The following CTNNA3 variants were observed in gnomAD, a reference collection of about 807,000 sequenced individuals.
CTNNA3 encodes the protein catenin alpha-3.
In CTNNA3, 76 loss-of-function variants were observed where a neutral mutation model predicts 95.7. The observed-to-expected ratio is 0.79, with a 90% CI of 0.66 to 0.96. CTNNA3 has a LOEUF of 0.96. CTNNA3 is among the 40% of genes least tolerant of loss of function. The pLI is 0.00. For synonymous variants in CTNNA3, 431 were observed against 374.4 expected (o/e 1.15, Z -1.74); for missense variants, 1,191 against 1,089.8 (o/e 1.09, Z -1.31).
At chr10:67,368,079 T>A (rs1031678430) in intron 5 of CTNNA3, among the ~76,000 whole-genome samples, 3 of 151,612 alleles carry the variant, frequency 2.0e-5, no homozygotes, top group Admixed American at 2.0e-4. Context: ...CCAAAAAAAA[T>A]GAATGAAAAA....
At chr10:67,635,643 T>C (rs1357789311) in intron 2 of CTNNA3, among the ~76,000 whole-genome samples, 1 of 152,018 alleles carries the variant, frequency 6.6e-6, no homozygotes, top group African/African-American at 2.4e-5. Context: ...AAACTCTCAA[T>C]AAACTAGGTA....
At position 66,929,515 on chromosome 10, in the gene CTNNA3, G is replaced by C. The variant is rs3818445; in HGVS notation, c.1048-153991C>G. Among the ~76,000 whole-genome samples the C allele has an allele frequency of 9.3e-3, 1,413 of 152,266 alleles. 116 individuals are homozygous for C. The East Asian group carries it at 0.19, about 21-fold the overall frequency. ...CCCCTAATGACAGACACTTCATTCA[G>C]ATGTGTAAAGAGAACACATTCCAAG... On this transcript the variant is annotated intron_variant, in intron 7 of 17. Transcript: ENST00000433211.
At chr10:67,717,018 C>A (rs1841148022) in intron 1 of CTNNA3, among the ~76,000 whole-genome samples, 1 of 152,194 alleles carries the variant, frequency 6.6e-6, no homozygotes, top group South Asian at 2.1e-4. Flanking sequence ...GCCAGTCTAA[C>A]TGGTATGAGA....
At chr10:66,984,259 A>G (rs1024071093) in intron 7 of CTNNA3, among the ~76,000 whole-genome samples, 1 of 152,242 alleles carries the variant, frequency 6.6e-6, no homozygotes, top group Non-Finnish European at 1.5e-5. Flanking sequence ...GTCAGGATTG[A>G]GAACCAGAAA....
intron 5 of CTNNA3, among the ~76,000 whole-genome samples, chr10:67,391,513 C>G (rs866901554): frequency 2.0e-5 from 3 of 152,122 alleles, no homozygotes; most frequent in African/African-American, 7.2e-5. Flanking sequence ...CCATCCCCAT[C>G]AAGCTACCAA....
chr10:66,509,003 A>G lies in CTNNA3; in HGVS notation c.1531+11614T>C, dbSNP rs571023264. Among the ~76,000 whole-genome samples, 3 of 152,230 alleles carry G rather than the reference A, an allele frequency of 2.0e-5. No individual in the cohort carries two copies. In the East Asian group the frequency reaches 5.8e-4, roughly 29 times the overall value. Reference sequence around the variant, plus strand: ...GCTATACTAGTTTATATTCCCACCAACAGTATATAAGAGTTCCATTTCTTC... The same window carrying G: ...GCTATACTAGTTTATATTCCCACCAGCAGTATATAAGAGTTCCATTTCTTC... On this transcript the variant is annotated intron_variant, in intron 11 of 17. Coordinates refer to ENST00000433211, the MANE Select transcript of CTNNA3 (RefSeq NM_013266.4).
At chr10:67,602,442 C>T (rs750778972) in intron 3 of CTNNA3, among the ~76,000 whole-genome samples, 10 of 152,134 alleles carry the variant, frequency 6.6e-5, no homozygotes, top group African/African-American at 1.2e-4. Context: ...AAGTTGCTGG[C>T]GGTAGCTCAT....
chr10:66,826,486 G>A (rs1246025349), intron 7 of CTNNA3, among the ~76,000 whole-genome samples: 2 of 151,992 alleles, frequency 1.3e-5, no homozygotes, highest in African/African-American at 4.8e-5. Context: ...ATGTTGCCCA[G>A]CCTAGAATGT....
intron 12 of CTNNA3, among the ~76,000 whole-genome samples, chr10:66,355,489 C>T (rs2092601801): frequency 6.6e-6 from 1 of 152,018 alleles, no homozygotes; most frequent in Non-Finnish European, 1.5e-5. Flanking sequence ...ATGTCAGTAG[C>T]ACCTACAAAC....
intron 9 of CTNNA3, among the ~76,000 whole-genome samples, chr10:66,649,185 A>C (rs1024854121): frequency 3.9e-5 from 6 of 152,176 alleles, no homozygotes; most frequent in Non-Finnish European, 8.8e-5. Context: ...ATGCGACTGA[A>C]GTTTGATTAG....
chr10:66,174,399 C>A (rs1048446189), intron 13 of CTNNA3, among the ~76,000 whole-genome samples: 31 of 151,918 alleles, frequency 2.0e-4, no homozygotes, highest in African/African-American at 5.3e-4. Flanking sequence ...TAAATATATA[C>A]AATTATATAT....
intron 7 of CTNNA3, among the ~76,000 whole-genome samples, chr10:66,822,141 AATAT>A (rs1266828553): frequency 1.1e-4 from 16 of 149,662 alleles, no homozygotes; most frequent in African/African-American, 3.2e-4. Flanking sequence ...GTCAATATAT[AATAT>A]ATAAAGTATG....
chr10:67,583,713 G>C (rs1168573907), intron 3 of CTNNA3, among the ~76,000 whole-genome samples: 1 of 152,026 alleles, frequency 6.6e-6, no homozygotes, highest in Non-Finnish European at 1.5e-5. Context: ...ACGTAGATGT[G>C]GTCTTTTCAC....
intron 3 of CTNNA3, among the ~76,000 whole-genome samples, chr10:67,566,402 C>A (rs1279527607): frequency 6.6e-6 from 1 of 151,662 alleles, no homozygotes; most frequent in Non-Finnish European, 1.5e-5. Context: ...ATTTATGCAG[C>A]CAAAAACACA....
In CTNNA3 at chr10:67,137,571, A is replaced by C. The variant is rs1011587911; in HGVS notation, c.1047+42746T>G. Among the ~76,000 whole-genome samples, 28 of 152,168 alleles carry C rather than the reference A, an allele frequency of 1.8e-4. 1 individual carries two copies. Among genetic ancestry groups the C allele is most frequent in the African/African-American group, 6.8e-4 (28 of 41,450 alleles). On this transcript the variant is annotated intron_variant, in intron 7 of 17. Coordinates refer to ENST00000433211, the MANE Select transcript of CTNNA3 (RefSeq NM_013266.4). ...TGTAACAAATCATAGCACAAAACCC[A>C]TTTGACCCTAGCCACCTCAAAATTG...
At chr10:65,969,385 T>G (rs1338114213) in intron 16 of CTNNA3, among the ~76,000 whole-genome samples, 2 of 152,162 alleles carry the variant, frequency 1.3e-5, no homozygotes, top group Admixed American at 1.3e-4. Flanking sequence ...AATGTAGTGA[T>G]ACCATCAACA....
At chr10:66,698,734 A>G (rs750325634) in intron 9 of CTNNA3, among the ~76,000 whole-genome samples, 9 of 152,228 alleles carry the variant, frequency 5.9e-5, no homozygotes, top group Non-Finnish European at 1.0e-4. Flanking sequence ...ACTGAGAGAT[A>G]AAACGTGGGG....
At chr10:66,866,216 T>C (rs1226283233) in intron 7 of CTNNA3, among the ~76,000 whole-genome samples, 1 of 152,196 alleles carries the variant, frequency 6.6e-6, no homozygotes, top group Non-Finnish European at 1.5e-5. Flanking sequence ...GACTCCTGCC[T>C]GTCAGTACAG....
intron 15 of CTNNA3, among the ~76,000 whole-genome samples, chr10:66,028,823 T>G (rs1283399620): frequency 6.6e-6 from 1 of 151,952 alleles, no homozygotes; most frequent in East Asian, 1.9e-4. Context: ...TAAACCCAAA[T>G]AAAATTCTCC....
Sources: gnomAD v4.1 joint callset for allele counts (sites outside exome capture counted in the v4.1 genomes callset) on GRCh38, gnomAD v4.1.1 for gene constraint, MANE v1.5 for transcripts, NCBI Gene and HGNC (gene_info 2026-07-23, HGNC 2026-07-21) for gene names.